The following LRRC37A2 variants were observed in gnomAD, a reference collection of about 807,000 sequenced individuals.
LRRC37A2 encodes leucine-rich repeat-containing protein 37A2.
A neutral mutation model predicts 68.8 loss-of-function variants in LRRC37A2; 9 were observed. That is an observed-to-expected ratio of 0.13 (90% confidence interval 0.08 to 0.23). LRRC37A2 has a LOEUF of 0.23. LRRC37A2 is among the 10% of genes least tolerant of loss of function. The pLI is 1.00. For synonymous variants in LRRC37A2, 63 were observed against 367.6 expected (o/e 0.17, Z 9.48); for missense variants, 168 against 950.4 (o/e 0.18, Z 10.82).
the LRRC37A2 span, among the ~76,000 whole-genome samples, chr17:46,491,516 A>C: frequency 7.1e-6 from 1 of 141,792 alleles, no homozygotes; most frequent in Non-Finnish European, 1.5e-5. Context: ...TTTCTCTTCA[A>C]ATTACATTGC....
At chr17:46,777,685 A>G in the LRRC37A2 span, among the ~76,000 whole-genome samples, 17,200 of 152,186 alleles carry the variant, frequency 0.11, 2,321 homozygotes, top group East Asian at 0.6. Context: ...ATCTCACTGA[A>G]TCCTCACAAC....
the LRRC37A2 span, among the ~76,000 whole-genome samples, chr17:46,861,394 A>C: frequency 6.7e-6 from 1 of 150,230 alleles, no homozygotes; most frequent in Admixed American, 6.6e-5. Context: ...TCTCCCTTTC[A>C]CTGGCCCTTC....
chr17:46,981,748 C>G, the LRRC37A2 span, among the ~76,000 whole-genome samples: 2 of 152,164 alleles, frequency 1.3e-5, no homozygotes, highest in South Asian at 4.2e-4. Context: ...GCTCTGTTGC[C>G]CAGGCTGGAG....
chr17:46,720,163 A>G, the LRRC37A2 span, among the ~76,000 whole-genome samples: 2 of 152,360 alleles, frequency 1.3e-5, no homozygotes, highest in Admixed American at 6.5e-5. Context: ...GTTTTTGGTT[A>G]ACATCCTAAT....
the LRRC37A2 span, chr17:46,711,000 T>C: frequency 6.3e-7 from 1 of 1,597,852 alleles, no homozygotes. Context: ...GCAAGTTACA[T>C]TATGAACGGT....
At chr17:46,872,807 G>A in the LRRC37A2 span, 1 of 1,479,398 alleles carries the variant, frequency 6.8e-7, no homozygotes, top group Non-Finnish European at 9.3e-7. Flanking sequence ...GGGAGGGCTG[G>A]GGGAAGAAGC....
chr17:46,812,420 T>A, the LRRC37A2 span, among the ~76,000 whole-genome samples: 1 of 151,888 alleles, frequency 6.6e-6, no homozygotes, highest in Non-Finnish European at 1.5e-5. Flanking sequence ...ACCTTCTGAA[T>A]CATCTCTCAG....
chr17:46,914,255 G>A, the LRRC37A2 span, among the ~76,000 whole-genome samples: 5 of 152,238 alleles, frequency 3.3e-5, no homozygotes, highest in South Asian at 2.1e-4. Flanking sequence ...ATAGCGGGGC[G>A]GCCAGGAGGA....
chr17:46,784,380 G>A, the LRRC37A2 span, among the ~76,000 whole-genome samples: 6 of 152,286 alleles, frequency 3.9e-5, no homozygotes, highest in East Asian at 9.6e-4. Context: ...AGAGAGGGAC[G>A]GAAGCTAGAA....
At chr17:46,558,459 T>G (rs2057407126), downstream of LRRC37A2, among the ~76,000 whole-genome samples, 1 of 118,920 alleles carries the variant, frequency 8.4e-6, no homozygotes, top group East Asian at 2.8e-4. Flanking sequence ...TGATCTCGGT[T>G]GACTGCAACC....
At chr17:46,852,967 G>A in the LRRC37A2 span, among the ~76,000 whole-genome samples, 1 of 152,112 alleles carries the variant, frequency 6.6e-6, no homozygotes, top group Non-Finnish European at 1.5e-5. Context: ...TCTGGGCTTA[G>A]CTTGCTAATG....
At chr17:46,797,890 A>G in the LRRC37A2 span, among the ~76,000 whole-genome samples, 1 of 152,194 alleles carries the variant, frequency 6.6e-6, no homozygotes, top group Non-Finnish European at 1.5e-5. Context: ...TAGGCAAAAT[A>G]AAACATTTCA....
the LRRC37A2 span, among the ~76,000 whole-genome samples, chr17:46,944,532 C>T: frequency 7.9e-5 from 12 of 152,158 alleles, no homozygotes; most frequent in African/African-American, 1.2e-4. Flanking sequence ...TTGGAAGTCC[C>T]GATTCTGGGC....
chr17:46,733,280 A>G, the LRRC37A2 span, among the ~76,000 whole-genome samples: 2 of 152,188 alleles, frequency 1.3e-5, no homozygotes, highest in Non-Finnish European at 1.5e-5. Context: ...TGGTAAGGCC[A>G]GGTAACTCTT....
the LRRC37A2 span, chr17:46,924,320 T>G: frequency 1.3e-5 from 2 of 153,244 alleles, no homozygotes; most frequent in African/African-American, 4.8e-5. Context: ...CGGAATAATA[T>G]TCCGTTTTAT....
the LRRC37A2 span, among the ~76,000 whole-genome samples, chr17:47,035,791 G>T: frequency 9.9e-3 from 1,508 of 152,226 alleles, 10 homozygotes; most frequent in African/African-American, 0.035. Context: ...GTGTTTGAGG[G>T]TTTCAATTTC....
chr17:46,543,360 T>G (rs535829650), intron 8 of LRRC37A2, among the ~76,000 whole-genome samples: 1 of 150,940 alleles, frequency 6.6e-6, no homozygotes, highest in South Asian at 2.1e-4. Flanking sequence ...GTCAGTATAC[T>G]TTAAAACAAT....
the LRRC37A2 span, among the ~76,000 whole-genome samples, chr17:46,874,098 C>T: frequency 6.6e-6 from 1 of 152,034 alleles, no homozygotes; most frequent in Non-Finnish European, 1.5e-5. Context: ...CTCTGTGTCT[C>T]TCTCGGGACA....
chr17:46,913,339 A>G, the LRRC37A2 span, among the ~76,000 whole-genome samples: 2 of 152,234 alleles, frequency 1.3e-5, no homozygotes, highest in Non-Finnish European at 2.9e-5. Flanking sequence ...GATGTAAGAC[A>G]CATCTTCCAC....
Sources: allele counts gnomAD v4.1 joint callset (sites outside exome capture counted in the v4.1 genomes callset), GRCh38; gene constraint gnomAD v4.1.1; transcripts MANE v1.5; gene names NCBI Gene and HGNC (gene_info 2026-07-23, HGNC 2026-07-21).